TEX13D: variants seen among roughly 807,000 people sequenced by gnomAD.
The protein encoded by TEX13D is testis-expressed protein 13D.
For missense variants in TEX13D, 261 were observed against 265.8 expected, an observed-to-expected ratio of 0.98 and a Z score of 0.12; for synonymous variants, 115 against 104.5, an observed-to-expected ratio of 1.10 and a Z score of -0.61.
chrX:124,333,516 C>T lies in TEX13D; in HGVS notation c.599C>T (p.Pro200Leu), dbSNP rs748895570. 1.3e-4 allele frequency: 40 copies of T among 299,376 alleles called. No individual in the cohort carries two copies. The highest frequency in any genetic ancestry group is 2.0e-4 in the Non-Finnish European group (34 of 172,703). 24.7% of individuals were successfully genotyped at this position (299,376 alleles called of 1,213,427 possible). ...GTHANAQMPT[P>L]TDVLYVPGPL... ...CATGCTAATGCCCAGATGCCAACCC[C>T]GACAGATGTTCTTTATGTGCCAGGA... Residue 200 changes from proline to leucine, a missense_variant, in exon 1 of 1, where the codon CCG becomes CTG. Physicochemically the swap from Pro to Leu is moderately conservative, Grantham distance 98. Coordinates refer to ENST00000632372, the MANE Select transcript of TEX13D (RefSeq NM_001355534.2).
Position 124,334,114 on chromosome X carries a change from G to T in TEX13D, c.1197G>T (p.Gly399=). 1.1e-6 allele frequency: 1 copy of T among 935,183 alleles called. No homozygotes were observed. The highest frequency in any genetic ancestry group is 1.3e-6 in the Non-Finnish European group (1 of 755,007). 77.1% of individuals were successfully genotyped at this position (935,183 alleles called of 1,213,427 possible). A position where few individuals can be genotyped will look rare whatever the true frequency, so the allele number is the denominator to read the frequency against. Residue 399 remains glycine, a synonymous_variant, in exon 1 of 1, where the codon GGG becomes GGT. Transcript: ENST00000632372. Reference sequence around the variant, plus strand: ...GCCACAAATCAGAAGGTCCAGAGGGGCCCCAGGGGACGGTCCCCCAGGGAG... The same window carrying T: ...GCCACAAATCAGAAGGTCCAGAGGGTCCCCAGGGGACGGTCCCCCAGGGAG... ...RRSHKSEGPE[G]PQGTVPQGDS...
chrX:124,334,086 G>A lies in TEX13D; in HGVS notation c.1169G>A (p.Arg390Lys). The change falls in exon 1 of 1, where the codon AGG (arginine) becomes AAG (lysine). Residue 390 changes from arginine (R) to lysine (K), a missense_variant. Physicochemically the swap from Arg to Lys is conservative, Grantham distance 26 (BLOSUM62 2). Coordinates refer to ENST00000632372, the MANE Select transcript of TEX13D (RefSeq NM_001355534.2). Reference protein sequence around the residue: ...ARRMHTLVFRRSHKSEGPEGP... With the variant: ...ARRMHTLVFRKSHKSEGPEGP... ...AGGATGCACACCCTGGTGTTTCGCA[G>A]GAGCCACAAATCAGAAGGTCCAGAG... 8.5e-6 allele frequency: 8 copies of A among 937,767 alleles called. No individual in the cohort carries two copies. The highest frequency in any genetic ancestry group is 1.1e-5 in the Non-Finnish European group (8 of 756,024). The allele number at this position is 937,767 out of a possible 1,213,427, so 77.3% of individuals were successfully genotyped here. A position where few individuals can be genotyped will look rare whatever the true frequency, so the allele number is the denominator to read the frequency against.
chrX:124,335,455 A>G lies in TEX13D; in HGVS notation c.*393A>G. ...TTTGTTTCACTCCTTTTCCTGAAAA[A>G]GCCATGTATGTGGCTGGGAGCAGTT... On this transcript the variant is annotated 3_prime_UTR_variant, in exon 1 of 1. Coordinates refer to ENST00000632372, the MANE Select transcript of TEX13D (RefSeq NM_001355534.2). The G allele has an allele frequency of 8.6e-6, 1 of 115,775 alleles. No individual in the cohort carries two copies. Among genetic ancestry groups the G allele is most frequent in the Non-Finnish European group, 1.8e-5 (1 of 55,017 alleles). The allele number at this position is 115,775 out of a possible 1,213,427, so 9.5% of individuals were successfully genotyped here.
At position 124,332,798 on chromosome X, in the gene TEX13D, G is replaced by GT; in HGVS notation, c.-119dup. 1 of 333,718 alleles carries GT rather than the reference G, an allele frequency of 3.0e-6. No homozygotes were observed. Among genetic ancestry groups the GT allele is most frequent in the Non-Finnish European group, 5.2e-6 (1 of 193,253 alleles). The allele number at this position is 333,718 out of a possible 1,213,427, so 27.5% of individuals were successfully genotyped here. A position where few individuals can be genotyped will look rare whatever the true frequency, so the allele number is the denominator to read the frequency against. On this transcript the variant is annotated 5_prime_UTR_variant, in exon 1 of 1. Coordinates refer to ENST00000632372, the MANE Select transcript of TEX13D (RefSeq NM_001355534.2). ...AGGCCAGGACTGAGCAAGGACTAAAGTAAGACTGAAAGGGGAGGTGAGGGG... is the reference window on the plus strand; with the variant it reads ...AGGCCAGGACTGAGCAAGGACTAAAGTTAAGACTGAAAGGGGAGGTGAGGGG...
Position 124,333,620 on chromosome X carries a change from A to G in TEX13D, c.703A>G (p.Met235Val), listed in dbSNP as rs1046791588. Reference protein sequence around the residue: ...HPFPHPPPFPMKFPSLPPLPP... With the variant: ...HPFPHPPPFPVKFPSLPPLPP... ...ATTCCCACACCCACCACCATTCCCA[A>G]TGAAATTCCCATCCTTGCCACCTCT... Residue 235 changes from methionine (M) to valine (V), a missense_variant, in exon 1 of 1, where the codon ATG (methionine) becomes GTG (valine). Coordinates refer to ENST00000632372, the MANE Select transcript of TEX13D (RefSeq NM_001355534.2). The G allele has an allele frequency of 2.5e-4, 74 of 295,152 alleles. No homozygotes were observed. Among genetic ancestry groups the G allele is most frequent in the African/African-American group, 1.6e-3 (59 of 35,979 alleles). 24.3% of individuals were successfully genotyped at this position (295,152 alleles called of 1,213,427 possible).
chrX:124,335,206 T>C lies in TEX13D; in HGVS notation c.*144T>C. 2.4e-6 allele frequency: 1 copy of C among 412,216 alleles called. No homozygotes were observed. The highest frequency in any genetic ancestry group is 6.0e-5 in the Admixed American group (1 of 16,595). The allele number at this position is 412,216 out of a possible 1,213,427, so 34.0% of individuals were successfully genotyped here. ...GAAAATTAAATAAAATAATTTATTA[T>C]CCCATTACCCAAATTAGCCATTTTA... is the stretch of plus-strand genomic sequence containing the variant. On this transcript the variant is annotated 3_prime_UTR_variant, in exon 1 of 1. Transcript: ENST00000632372.
rs763948401 is a variant in TEX13D at position 124,333,675 on chromosome X, C to T, written c.758C>T (p.Ala253Val). Residue 253 changes from alanine (A) to valine (V), a missense_variant, in exon 1 of 1, where the codon GCA (alanine) becomes GTA (valine). Coordinates refer to ENST00000632372, the MANE Select transcript of TEX13D (RefSeq NM_001355534.2). ...CCTGCTGTAGTCACGGGGGCAGAAG[C>T]AGCAGCAGTCCCACTTCAGATGCCT... is the stretch of plus-strand genomic sequence containing the variant. ...LPPAVVTGAE[A>V]AAVPLQMPPT... The T allele has an allele frequency of 6.8e-6, 2 of 296,103 alleles. No individual in the cohort carries two copies. Among genetic ancestry groups the T allele is most frequent in the African/African-American group, 2.7e-5 (1 of 36,428 alleles). 24.4% of individuals were successfully genotyped at this position (296,103 alleles called of 1,213,427 possible).
rs2059969038 is a variant in TEX13D at position 124,334,334 on chromosome X, A to G, written c.1417A>G (p.Ser473Gly). 2.4e-6 allele frequency: 1 copy of G among 411,316 alleles called. No individual in the cohort carries two copies. The highest frequency in any genetic ancestry group is 3.9e-5 in the African/African-American group (1 of 25,924). 33.9% of individuals were successfully genotyped at this position (411,316 alleles called of 1,213,427 possible). Reference protein sequence around the residue: ...QRIVLQGDNRSYSQEGSPERA... With the variant: ...QRIVLQGDNRGYSQEGSPERA... ...GATTGTCCTCCAGGGAGACAACAGG[A>G]GCTATAGCCAGGAAGGAAGCCCAGA... Residue 473 changes from serine (S) to glycine (G), a missense_variant, in exon 1 of 1, where the codon AGC becomes GGC. Transcript: ENST00000632372.
In TEX13D at chrX:124,333,660, T is replaced by A; in HGVS notation, c.743T>A (p.Val248Asp). 3.4e-6 allele frequency: 1 copy of A among 297,453 alleles called. No homozygotes were observed. The highest frequency in any genetic ancestry group is 5.9e-6 in the Non-Finnish European group (1 of 170,528). The allele number at this position is 297,453 out of a possible 1,213,427, so 24.5% of individuals were successfully genotyped here. The change falls in exon 1 of 1, where the codon GTC becomes GAC. Residue 248 changes from valine (V) to aspartate (D), a missense_variant. By Grantham distance (152) the Val-to-Asp change is radical. Coordinates refer to ENST00000632372, the MANE Select transcript of TEX13D (RefSeq NM_001355534.2). ...TTGCCACCTCTACCACCTGCTGTAG[T>A]CACGGGGGCAGAAGCAGCAGCAGTC... ...PSLPPLPPAV[V>D]TGAEAAAVPL... is the part of the protein sequence containing the mutation.
At position 124,335,710 on chromosome X, in the gene TEX13D, A is replaced by G. The variant is rs1370365140; in HGVS notation, c.*648A>G. On this transcript the variant is annotated 3_prime_UTR_variant, in exon 1 of 1. Transcript: ENST00000632372. ...CCCCACCAAACTTGCTTGTTGCTGA[A>G]GAAGCTGAACCTGTTCCATTAGAAG... The G allele has an allele frequency of 2.7e-5, 3 of 112,323 alleles. No individual in the cohort carries two copies. Among genetic ancestry groups the G allele is most frequent in the Non-Finnish European group, 5.6e-5 (3 of 53,340 alleles). 9.3% of individuals were successfully genotyped at this position (112,323 alleles called of 1,213,427 possible).
In TEX13D at chrX:124,336,624, A is replaced by G. The variant is rs1473946599; in HGVS notation, c.*1562A>G. 9.0e-6 allele frequency: 1 copy of G among 111,181 alleles called. No homozygotes were observed. Among genetic ancestry groups the G allele is most frequent in the Non-Finnish European group, 1.9e-5 (1 of 52,931 alleles). 9.2% of individuals were successfully genotyped at this position (111,181 alleles called of 1,213,427 possible). ...AAAATAAAACTGGACAGGGGCGAGCACTCTTGGGAATGCCCCTGGACCCTT... is the reference window on the plus strand; with the variant it reads ...AAAATAAAACTGGACAGGGGCGAGCGCTCTTGGGAATGCCCCTGGACCCTT... On this transcript the variant is annotated 3_prime_UTR_variant, in exon 1 of 1. Transcript: ENST00000632372.
At position 124,334,127 on chromosome X, in the gene TEX13D, G is replaced by A. The variant is rs1207209237; in HGVS notation, c.1210G>A (p.Val404Ile). ...SEGPEGPQGT[V>I]PQGDSRSYSQ... ...AGGTCCAGAGGGGCCCCAGGGGACGGTCCCCCAGGGAGACAGCAGAAGCTA... is the reference window on the plus strand; with the variant it reads ...AGGTCCAGAGGGGCCCCAGGGGACGATCCCCCAGGGAGACAGCAGAAGCTA... The change falls in exon 1 of 1, where the codon GTC (valine) becomes ATC (isoleucine). Residue 404 changes from valine to isoleucine, a missense_variant. Val to Ile is a conservative substitution (Grantham distance 29). Transcript: ENST00000632372. 4.3e-6 allele frequency: 4 copies of A among 928,347 alleles called. No individual in the cohort carries two copies. The African/African-American group carries it at 6.4e-5, about 15-fold the overall frequency. The allele number at this position is 928,347 out of a possible 1,213,427, so 76.5% of individuals were successfully genotyped here.
chrX:124,336,583 A>G lies in TEX13D; in HGVS notation c.*1521A>G, dbSNP rs1200815012. On this transcript the variant is annotated 3_prime_UTR_variant, in exon 1 of 1. Coordinates refer to ENST00000632372, the MANE Select transcript of TEX13D (RefSeq NM_001355534.2). ...GGCTATGGATGGTGTTTCTCTTGAG[A>G]GGACTAATTGGGTTAAAAATAAAAC... 8.9e-6 allele frequency: 1 copy of G among 111,928 alleles called. No individual in the cohort carries two copies. The highest frequency in any genetic ancestry group is 2.8e-4 in the East Asian group (1 of 3,550). The allele number at this position is 111,928 out of a possible 1,213,427, so 9.2% of individuals were successfully genotyped here.
At position 124,334,335 on chromosome X, in the gene TEX13D, G is replaced by A. The variant is rs2059969048; in HGVS notation, c.1418G>A (p.Ser473Asn). 7.1e-6 allele frequency: 3 copies of A among 420,175 alleles called. No homozygotes were observed. The highest frequency in any genetic ancestry group is 6.6e-6 in the Non-Finnish European group (2 of 304,070). 34.6% of individuals were successfully genotyped at this position (420,175 alleles called of 1,213,427 possible). The change falls in exon 1 of 1, where the codon AGC (serine) becomes AAC (asparagine). Residue 473 changes from serine to asparagine, a missense_variant. By Grantham distance (46) the Ser-to-Asn change is conservative. Transcript: ENST00000632372. ...ATTGTCCTCCAGGGAGACAACAGGA[G>A]CTATAGCCAGGAAGGAAGCCCAGAG... ...QRIVLQGDNR[S>N]YSQEGSPERA...
At position 124,335,067 on chromosome X, in the gene TEX13D, A is replaced by G. The variant is rs375502457; in HGVS notation, c.*5A>G. The G allele has an allele frequency of 2.3e-5, 21 of 929,997 alleles. No homozygotes were observed. In the African/African-American group the frequency reaches 3.9e-4, roughly 17 times the overall value. The allele number at this position is 929,997 out of a possible 1,213,427, so 76.6% of individuals were successfully genotyped here. A position where few individuals can be genotyped will look rare whatever the true frequency, so the allele number is the denominator to read the frequency against. On this transcript the variant is annotated 3_prime_UTR_variant, in exon 1 of 1. Coordinates refer to ENST00000632372, the MANE Select transcript of TEX13D (RefSeq NM_001355534.2). ...AGTGGAGGACAAACTCAGTGATTTC[A>G]GGAAGGTAAGTAAGAATGGACACAC...
chrX:124,333,414 C>T lies in TEX13D; in HGVS notation c.497C>T (p.Pro166Leu), dbSNP rs967491022. ...CTGGCCCATGAAATAATGTCTGGGC[C>T]GCAAGCAGAGCAGAATGGGGCTGCG... ...APLAHEIMSG[P>L]QAEQNGAAAC... is the part of the protein sequence containing the mutation. The change falls in exon 1 of 1, where the codon CCG becomes CTG. Residue 166 changes from proline (P) to leucine (L), a missense_variant. By Grantham distance (98) the Pro-to-Leu change is moderately conservative. Coordinates refer to ENST00000632372, the MANE Select transcript of TEX13D (RefSeq NM_001355534.2). The T allele has an allele frequency of 5.9e-5, 20 of 340,174 alleles. No individual in the cohort carries two copies. The highest frequency in any genetic ancestry group is 8.6e-5 in the Non-Finnish European group (17 of 198,480). 28.0% of individuals were successfully genotyped at this position (340,174 alleles called of 1,213,427 possible).
chrX:124,335,001 C>G lies in TEX13D; in HGVS notation c.2084C>G (p.Thr695Arg). 1.1e-6 allele frequency: 1 copy of G among 938,420 alleles called. No homozygotes were observed. Among genetic ancestry groups the G allele is most frequent in the Non-Finnish European group, 1.3e-6 (1 of 756,307 alleles). The allele number at this position is 938,420 out of a possible 1,213,427, so 77.3% of individuals were successfully genotyped here. A position where few individuals can be genotyped will look rare whatever the true frequency, so the allele number is the denominator to read the frequency against. ...WCKAINFSWR[T>R]ACYKCKKACV... is the part of the protein sequence containing the mutation. ...AAAGCCATTAATTTTTCATGGCGTACGGCCTGCTATAAATGCAAGAAAGCC... is the reference window on the plus strand; with the variant it reads ...AAAGCCATTAATTTTTCATGGCGTAGGGCCTGCTATAAATGCAAGAAAGCC... Residue 695 changes from threonine (T) to arginine (R), a missense_variant, in exon 1 of 1, where the codon ACG (threonine) becomes AGG (arginine). Transcript: ENST00000632372.
At position 124,333,783 on chromosome X, in the gene TEX13D, AC is replaced by A; in HGVS notation, c.867del (p.Tyr289Ter). 1 of 297,811 alleles carries A rather than the reference AC, an allele frequency of 3.4e-6. No homozygotes were observed. The highest frequency in any genetic ancestry group is 5.9e-6 in the Non-Finnish European group (1 of 170,691). The allele number at this position is 297,811 out of a possible 1,213,427, so 24.5% of individuals were successfully genotyped here. A position where few individuals can be genotyped will look rare whatever the true frequency, so the allele number is the denominator to read the frequency against. ...GCCCCTCTGTGGTACCAGAGAAGCT[AC>A]ATCCAGGAGGAAGATTCCAAAATCC... The part of the protein sequence containing the change: ...EMAPLWYQRS[Y>X]IQEEDSKILQ... On this transcript the variant is annotated frameshift_variant, in exon 1 of 1. Transcript: ENST00000632372. LOFTEE classifies it low-confidence loss of function (END_TRUNC).
Position 124,335,141 on chromosome X carries a change from C to T in TEX13D, c.*79C>T. ...AGACCCTCTTCTGATTAAAGTATAA[C>T]TTATTTACTTCACAGAAAAATTGAA... On this transcript the variant is annotated 3_prime_UTR_variant, in exon 1 of 1. Coordinates refer to ENST00000632372, the MANE Select transcript of TEX13D (RefSeq NM_001355534.2). The T allele has an allele frequency of 1.4e-6, 1 of 704,007 alleles. No homozygotes were observed. Among genetic ancestry groups the T allele is most frequent in the Non-Finnish European group, 1.8e-6 (1 of 542,959 alleles). 58.0% of individuals were successfully genotyped at this position (704,007 alleles called of 1,213,427 possible). A position where few individuals can be genotyped will look rare whatever the true frequency, so the allele number is the denominator to read the frequency against.
Sources: allele counts gnomAD v4.1 joint callset, GRCh38; gene constraint gnomAD v4.1.1; transcripts MANE v1.5; gene names NCBI Gene and HGNC (gene_info 2026-07-23, HGNC 2026-07-21).